Variants in CNGA2 observed in about 807,000 individuals in gnomAD.
The protein encoded by CNGA2 is cyclic nucleotide-gated channel alpha-2.
Under a neutral mutation model 35.9 loss-of-function variants are expected in CNGA2, and 22 were observed. The observed-to-expected ratio is 0.61, with a 90% CI of 0.44 to 0.88. CNGA2 has a LOEUF of 0.88. Ranked by LOEUF, CNGA2 falls within the 40% of genes least tolerant of loss-of-function variation. The pLI, the probability that CNGA2 is intolerant of heterozygous loss-of-function variation, is 0.00. For missense variants in CNGA2, 555 were observed against 530.8 expected, an observed-to-expected ratio of 1.05 and a Z score of -0.45; for synonymous variants, 217 against 209.2, an observed-to-expected ratio of 1.04 and a Z score of -0.32.
At position 151,744,039 on chromosome X, in the gene CNGA2, G is replaced by A; in HGVS notation, c.1536G>A (p.Leu512=). ...VADDGVTQYA[L]LSAGSCFGEI... ...ATGATGGTGTGACTCAGTATGCTCT[G>A]CTGTCGGCTGGAAGCTGCTTTGGCG... The change falls in exon 7 of 7, where the codon CTG becomes CTA. Residue 512 remains leucine, a synonymous_variant. Coordinates refer to ENST00000329903, the MANE Select transcript of CNGA2 (RefSeq NM_005140.3). 8.3e-7 allele frequency: 1 copy of A among 1,211,422 alleles called. No homozygotes were observed. The highest frequency in any genetic ancestry group is 1.1e-6 in the Non-Finnish European group (1 of 895,496).
At chrX:151,737,080 G>A (rs772553494) in intron 1 of CNGA2, among the ~76,000 whole-genome samples, 19 of 111,737 alleles carry the variant, frequency 1.7e-4, no homozygotes, top group Non-Finnish European at 2.8e-4. Flanking sequence ...GCTGTTTGAC[G>A]TGCCTGCCAT....
At position 151,744,300 on chromosome X, in the gene CNGA2, G is replaced by A. The variant is rs1475351801; in HGVS notation, c.1797G>A (p.Glu599=). 8.3e-7 allele frequency: 1 copy of A among 1,211,233 alleles called. No individual in the cohort carries two copies. The highest frequency in any genetic ancestry group is 3.0e-5 in the East Asian group (1 of 33,804). ...VATSMEVDVQ[E]KLGQLETNME... ...CCAGCATGGAGGTCGACGTGCAGGAGAAGCTAGGGCAGCTGGAGACCAACA... is the reference window on the plus strand; with the variant it reads ...CCAGCATGGAGGTCGACGTGCAGGAAAAGCTAGGGCAGCTGGAGACCAACA... The change falls in exon 7 of 7, where the codon GAG becomes GAA. Residue 599 remains glutamate (E), a synonymous_variant. Transcript: ENST00000329903.
chrX:151,738,665 G>A (rs1462923926), intron 2 of CNGA2, 72 bp downstream of exon 2: 2 of 1,097,766 alleles, frequency 1.8e-6, no homozygotes, highest in Non-Finnish European at 2.5e-6. Context: ...TTGTCACAGA[G>A]CAAGCAATCT....
chrX:151,743,028 G>GTGTATATATATATACACATATATATA (rs1491122650), intron 6 of CNGA2, 65 bp from the exon 7 acceptor site: 1 of 8,552 alleles, frequency 1.2e-4, no homozygotes, highest in African/African-American at 2.9e-4. Context: ...GTATATATAT[G>GTGTATATATATATACACATATATATA]CACATATATA....
chrX:151,738,375 C>T, intron 1 of CNGA2, 83 bp from the exon 2 acceptor site: 6 of 658,326 alleles, frequency 9.1e-6, no homozygotes, highest in Non-Finnish European at 1.5e-5. Flanking sequence ...GGGTTCTAAT[C>T]CATCCTGTTC....
rs1491122650 is a variant in CNGA2 at position 151,743,028 on chromosome X, G to GTGTGTGTGTATATATATATATA, written c.590-65_590-64insTGTGTGTGTATATATATATATA. 4 of 8,544 alleles carry GTGTGTGTGTATATATATATATA rather than the reference G, an allele frequency of 4.7e-4. 1 individual carries two copies. Among genetic ancestry groups the GTGTGTGTGTATATATATATATA allele is most frequent in the Non-Finnish European group, 8.0e-4 (3 of 3,745 alleles). 0.7% of individuals were successfully genotyped at this position (8,544 alleles called of 1,213,427 possible). On this transcript the variant is annotated intron_variant, in intron 6 of 6. Transcript: ENST00000329903. ...TATACACATATATATGTATATATAT[G>GTGTGTGTGTATATATATATATA]CACATATATATGTATATATATACCC...
In CNGA2 at chrX:151,742,631, G is replaced by A. The variant is rs139084709; in HGVS notation, c.578G>A (p.Arg193Gln). ...GTCTACATTGCGGACCTCTTCATCC[G>A]ATTGCGCACAGGTCAGTGAGCAACT... ...DVVYIADLFI[R>Q]LRTGFLEQGL... is the part of the protein sequence containing the mutation. The change falls in exon 6 of 7, where the codon CGA (arginine) becomes CAA (glutamine). Residue 193 changes from arginine (R) to glutamine (Q), a missense_variant. Coordinates refer to ENST00000329903, the MANE Select transcript of CNGA2 (RefSeq NM_005140.3). The A allele has an allele frequency of 4.3e-5, 52 of 1,199,781 alleles. No homozygotes were observed. Among genetic ancestry groups the A allele is most frequent in the Middle Eastern group, 2.3e-4 (1 of 4,318 alleles).
chrX:151,736,774 C>A (rs2015251076), intron 1 of CNGA2, among the ~76,000 whole-genome samples: 3 of 110,814 alleles, frequency 2.7e-5, no homozygotes, highest in Admixed American at 1.9e-4. Context: ...TGTGACAGAA[C>A]CTTAGAGAGG....
At position 151,744,662 on chromosome X, in the gene CNGA2, G is replaced by A. The variant is rs918454283; in HGVS notation, c.*164G>A. 1.1e-5 allele frequency: 5 copies of A among 459,678 alleles called. No individual in the cohort carries two copies. Among genetic ancestry groups the A allele is most frequent in the African/African-American group, 2.4e-5 (1 of 41,641 alleles). 37.9% of individuals were successfully genotyped at this position (459,678 alleles called of 1,213,427 possible). ...TTTTGGCCTAAACATCCAAGATTCC[G>A]CCTCCAAGTTTAGCCCAAGTTTGTG... On this transcript the variant is annotated 3_prime_UTR_variant, in exon 7 of 7. Coordinates refer to ENST00000329903, the MANE Select transcript of CNGA2 (RefSeq NM_005140.3).
At chrX:151,737,809 T>C (rs1185433298) in intron 1 of CNGA2, among the ~76,000 whole-genome samples, 3 of 108,177 alleles carry the variant, frequency 2.8e-5, no homozygotes, top group Non-Finnish European at 5.8e-5. Flanking sequence ...GGCACATGCT[T>C]AAGCTGCCGA....
In CNGA2 at chrX:151,745,052, C is replaced by T. The variant is rs758215071; in HGVS notation, c.*554C>T. On this transcript the variant is annotated 3_prime_UTR_variant, in exon 7 of 7. Coordinates refer to ENST00000329903, the MANE Select transcript of CNGA2 (RefSeq NM_005140.3). ...TAGATTGATCTGTCTGTCTGCTAGC[C>T]AGGATGGGATCTCTGCAGTCTTCTG... 5 of 112,232 alleles carry T rather than the reference C, an allele frequency of 4.5e-5. No individual in the cohort carries two copies. Among genetic ancestry groups the T allele is most frequent in the African/African-American group, 1.3e-4 (4 of 30,739 alleles). 9.2% of individuals were successfully genotyped at this position (112,232 alleles called of 1,213,427 possible). A position where few individuals can be genotyped will look rare whatever the true frequency, so the allele number is the denominator to read the frequency against.
chrX:151,745,240 G>A lies in CNGA2; in HGVS notation c.*742G>A, dbSNP rs2015365303. 1 of 112,077 alleles carries A rather than the reference G, an allele frequency of 8.9e-6. No homozygotes were observed. Among genetic ancestry groups the A allele is most frequent in the African/African-American group, 3.2e-5 (1 of 30,811 alleles). 9.2% of individuals were successfully genotyped at this position (112,077 alleles called of 1,213,427 possible). A position where few individuals can be genotyped will look rare whatever the true frequency, so the allele number is the denominator to read the frequency against. The stretch of plus-strand genomic sequence containing the variant: ...AGAGGCCCTGAAAACTGCTGGTGGT[G>A]GGGAGACTCTTCAAGTTAATATCTG... On this transcript the variant is annotated 3_prime_UTR_variant, in exon 7 of 7. Coordinates refer to ENST00000329903, the MANE Select transcript of CNGA2 (RefSeq NM_005140.3).
intron 1 of CNGA2, among the ~76,000 whole-genome samples, chrX:151,736,046 G>T: frequency 9.0e-6 from 1 of 111,723 alleles, no homozygotes; most frequent in East Asian, 2.8e-4. Flanking sequence ...TGGCCTTGCA[G>T]ACAGCTCCCT....
At chrX:151,737,642 G>T (rs768402626) in intron 1 of CNGA2, among the ~76,000 whole-genome samples, 53 of 111,981 alleles carry the variant, frequency 4.7e-4, no homozygotes, top group African/African-American at 1.7e-3. Flanking sequence ...CCACAGAGCA[G>T]CCAGAGGGAT....
In CNGA2 at chrX:151,743,980, A is replaced by C; in HGVS notation, c.1477A>C (p.Ile493Leu). ...AGGGGACATCGGCAAGGAGATGTAC[A>C]TCATTAAGGAGGGCAAACTGGCAGT... ...RKGDIGKEMY[I>L]IKEGKLAVVA... Residue 493 changes from isoleucine (I) to leucine (L), a missense_variant, in exon 7 of 7, where the codon ATC becomes CTC. Physicochemically the swap from Ile to Leu is conservative, Grantham distance 5. Transcript: ENST00000329903. 1 of 1,211,715 alleles carries C rather than the reference A, an allele frequency of 8.3e-7. No homozygotes were observed. Among genetic ancestry groups the C allele is most frequent in the Non-Finnish European group, 1.1e-6 (1 of 895,560 alleles).
intron 1 of CNGA2, among the ~76,000 whole-genome samples, chrX:151,736,152 T>A (rs2015245930): frequency 8.9e-6 from 1 of 111,933 alleles, no homozygotes; most frequent in South Asian, 3.7e-4. Flanking sequence ...CTGTCTTTCA[T>A]GGTTGCAGCT....
At position 151,738,895 on chromosome X, in the gene CNGA2, A is replaced by G. The variant is rs779723611; in HGVS notation, c.203+16A>G. The G allele has an allele frequency of 1.3e-5, 15 of 1,128,765 alleles. No homozygotes were observed. The highest frequency in any genetic ancestry group is 6.2e-4 in the Middle Eastern group (2 of 3,230). The allele number at this position is 1,128,765 out of a possible 1,213,427, so 93.0% of individuals were successfully genotyped here. A position where few individuals can be genotyped will look rare whatever the true frequency, so the allele number is the denominator to read the frequency against. On this transcript the variant is annotated intron_variant, in intron 3 of 6. Coordinates refer to ENST00000329903, the MANE Select transcript of CNGA2 (RefSeq NM_005140.3). ...GCTTCCGCAGGTGGGTCCCACCACT[A>G]CCCTGCTGCTTCCCCTTCCTGTGCA...
At chrX:151,742,929 T>TATATATATATATATATATACATAC (rs1410986643) in intron 6 of CNGA2, among the ~76,000 whole-genome samples, 164 bp from the exon 7 acceptor site, 5 of 77,426 alleles carry the variant, frequency 6.5e-5, no homozygotes, top group African/African-American at 3.0e-4. Context: ...GGGAAGGATA[T>TATATATATATATATATATACATAC]ATATATATAT....
chrX:151,740,893 G>A lies in CNGA2; in HGVS notation c.474G>A (p.Leu158=), dbSNP rs2015298313. ...AMPVLYNWCL[L]VARACFSDLQ... ...CCGTCCTTTACAACTGGTGCCTGCT[G>A]GTGGCCAGGTGAGCAGGGTGGGGCC... Residue 158 remains leucine (L), a synonymous_variant, in exon 5 of 7, where the codon CTG becomes CTA. Coordinates refer to ENST00000329903, the MANE Select transcript of CNGA2 (RefSeq NM_005140.3). The A allele has an allele frequency of 8.3e-7, 1 of 1,207,795 alleles. No individual in the cohort carries two copies. Among genetic ancestry groups the A allele is most frequent in the East Asian group, 3.0e-5 (1 of 33,820 alleles).
Sources: allele counts gnomAD v4.1 joint callset (sites outside exome capture counted in the v4.1 genomes callset), GRCh38; gene constraint gnomAD v4.1.1; transcripts MANE v1.5; gene names NCBI Gene and HGNC (gene_info 2026-07-23, HGNC 2026-07-21).